Variants in PTPN13 observed in about 807,000 individuals in gnomAD.
PTPN13 encodes tyrosine-protein phosphatase non-receptor type 13.
In PTPN13, 191 loss-of-function variants were observed where a neutral mutation model predicts 284.0. The observed-to-expected ratio is 0.67, with a 90% CI of 0.60 to 0.76. The LOEUF is 0.76. Ranked by LOEUF, PTPN13 falls within the 30% of genes least tolerant of loss-of-function variation. The probability of loss-of-function intolerance (pLI) is 0.00; values close to 1 mark genes in which losing one functional copy is unlikely to be tolerated. For missense variants in PTPN13, 2,797 were observed against 2,939.9 expected, an observed-to-expected ratio of 0.95 and a Z score of 1.12; for synonymous variants, 986 against 1,022.3, an observed-to-expected ratio of 0.96 and a Z score of 0.68.
rs1329401564 is a variant in PTPN13 at position 86,732,488 on chromosome 4, C to A, written c.1683+14C>A. ...CGGTCTATTCTTGTAAGTAATAAAACCAATTTGTGTCACTCTTAGAAAATA... is the reference window on the plus strand; with the variant it reads ...CGGTCTATTCTTGTAAGTAATAAAAACAATTTGTGTCACTCTTAGAAAATA... On this transcript the variant is annotated intron_variant, in intron 11 of 47. Coordinates refer to ENST00000411767, the MANE Select transcript of PTPN13 (RefSeq NM_080683.3). 6.3e-7 allele frequency: 1 copy of A among 1,594,498 alleles called. No individual in the cohort carries two copies. The highest frequency in any genetic ancestry group is 8.6e-7 in the Non-Finnish European group (1 of 1,168,090).
chr4:86,602,262 TTTACAAGC>T (rs1764357444), intron 1 of PTPN13, among the ~76,000 whole-genome samples: 2 of 152,148 alleles, frequency 1.3e-5, no homozygotes, highest in South Asian at 4.1e-4. Context: ...GACTCTATGG[TTTACAAGC>T]TCTGTGACCT....
At chr4:86,738,473 A>G (rs751637267) in intron 15 of PTPN13, among the ~76,000 whole-genome samples, 1 of 152,196 alleles carries the variant, frequency 6.6e-6, no homozygotes, top group African/African-American at 2.4e-5. Flanking sequence ...TATGTTGACC[A>G]ATCTTTTCAT....
At chr4:86,663,017 A>C (rs986945958) in intron 2 of PTPN13, among the ~76,000 whole-genome samples, 6 of 152,210 alleles carry the variant, frequency 3.9e-5, no homozygotes, top group African/African-American at 4.8e-5. Flanking sequence ...CCCAACTCTT[A>C]AAAATAAATG....
intron 38 of PTPN13, among the ~76,000 whole-genome samples, 151 bp downstream of exon 38, chr4:86,784,709 T>C (rs10002511): frequency 0.099 from 15,119 of 152,140 alleles, 866 homozygotes; most frequent in Non-Finnish European, 0.11. Flanking sequence ...GAACAATATA[T>C]AAATGTCCCA....
chr4:86,597,300 C>T (rs1182450479), intron 1 of PTPN13, among the ~76,000 whole-genome samples: 1 of 151,954 alleles, frequency 6.6e-6, no homozygotes, highest in Non-Finnish European at 1.5e-5. Context: ...TGCAGTGGCT[C>T]GATCATGGCT....
intron 15 of PTPN13, among the ~76,000 whole-genome samples, chr4:86,738,084 T>C (rs1273754056): frequency 1.3e-5 from 2 of 149,638 alleles, no homozygotes; most frequent in Admixed American, 6.7e-5. Context: ...GTTTCTTTTC[T>C]TTTTTTTTTC....
intron 15 of PTPN13, among the ~76,000 whole-genome samples, chr4:86,740,899 G>T (rs1176350303): frequency 6.6e-6 from 1 of 151,086 alleles, no homozygotes; most frequent in Non-Finnish European, 1.5e-5. Flanking sequence ...GCAAAATGCT[G>T]CCAATCTCTT....
intron 40 of PTPN13, among the ~76,000 whole-genome samples, chr4:86,796,069 C>T (rs1265405227): frequency 6.6e-6 from 1 of 152,110 alleles, no homozygotes; most frequent in Non-Finnish European, 1.5e-5. Flanking sequence ...GCATTTCTTT[C>T]TAATTGTAGC....
chr4:86,796,426 G>T (rs1454819089), intron 40 of PTPN13, among the ~76,000 whole-genome samples: 1 of 152,024 alleles, frequency 6.6e-6, no homozygotes, highest in Admixed American at 6.6e-5. Flanking sequence ...CTCAAGGCTA[G>T]GAGTTTAAGA....
chr4:86,731,014 T>C (rs1366802056), intron 10 of PTPN13, among the ~76,000 whole-genome samples: 2 of 152,220 alleles, frequency 1.3e-5, no homozygotes, highest in Non-Finnish European at 2.9e-5. Flanking sequence ...ATAAACCCCT[T>C]ATGTTGAACT....
intron 1 of PTPN13, among the ~76,000 whole-genome samples, chr4:86,615,134 T>G (rs1393758121): frequency 6.6e-6 from 1 of 152,096 alleles, no homozygotes; most frequent in African/African-American, 2.4e-5. Context: ...GAACCAAGGA[T>G]TTATCGTGTT....
chr4:86,647,969 C>T (rs1376499835), intron 2 of PTPN13, among the ~76,000 whole-genome samples: 1 of 151,724 alleles, frequency 6.6e-6, no homozygotes, highest in African/African-American at 2.4e-5. Context: ...TATAGCAGCC[C>T]CCAAAAATGA....
At chr4:86,792,148 G>A (rs1742753175) in intron 40 of PTPN13, among the ~76,000 whole-genome samples, 1 of 152,138 alleles carries the variant, frequency 6.6e-6, no homozygotes, top group Non-Finnish European at 1.5e-5. Flanking sequence ...AATAAACAGT[G>A]TAGAGAAGAC....
At chr4:86,706,353 G>A (rs953302268) in intron 7 of PTPN13, among the ~76,000 whole-genome samples, 5 of 152,102 alleles carry the variant, frequency 3.3e-5, no homozygotes, top group Non-Finnish European at 7.4e-5. Context: ...TGGGACATTG[G>A]ACATTCAACT....
chr4:86,642,992 A>T (rs1465642451), intron 2 of PTPN13, among the ~76,000 whole-genome samples: 3 of 152,042 alleles, frequency 2.0e-5, no homozygotes, highest in Non-Finnish European at 4.4e-5. Context: ...TTTTTTTGTT[A>T]TGGAACTGTT....
rs1349748983 is a variant in PTPN13, at chr4:86,617,783, TC to T, written c.-5-17468del. Reference sequence around the variant, plus strand: ...ACCCACTTTTTGATGGGGTTTTTTTTCTTGTAAATTTGTTTGAATTCTTTGT... The same window carrying T: ...ACCCACTTTTTGATGGGGTTTTTTTTTTGTAAATTTGTTTGAATTCTTTGT... On this transcript the variant is annotated intron_variant, in intron 1 of 47. Coordinates refer to ENST00000411767, the MANE Select transcript of PTPN13 (RefSeq NM_080683.3). Among the ~76,000 whole-genome samples the T allele has an allele frequency of 2.6e-5, 4 of 152,338 alleles. No individual in the cohort carries two copies. In the East Asian group the frequency reaches 7.7e-4, roughly 29 times the overall value.
intron 1 of PTPN13, among the ~76,000 whole-genome samples, chr4:86,613,569 G>A (rs1415506853): frequency 1.3e-5 from 2 of 149,064 alleles, no homozygotes; most frequent in African/African-American, 2.5e-5. Flanking sequence ...GGGAGGCGGC[G>A]CTTGCAGTGA....
intron 1 of PTPN13, among the ~76,000 whole-genome samples, chr4:86,610,648 C>T (rs1361416099): frequency 1.3e-5 from 2 of 152,178 alleles, no homozygotes; most frequent in African/African-American, 4.8e-5. Context: ...TATGAAATCT[C>T]CCTAATTTGT....
intron 1 of PTPN13, among the ~76,000 whole-genome samples, chr4:86,606,056 G>C (rs1764711808): frequency 1.3e-5 from 2 of 151,878 alleles, no homozygotes; most frequent in Non-Finnish European, 3.0e-5. Context: ...AGGCTGGGAG[G>C]ATTGGGTGAA....
Sources: gnomAD v4.1 joint callset for allele counts (sites outside exome capture counted in the v4.1 genomes callset) on GRCh38, gnomAD v4.1.1 for gene constraint, MANE v1.5 for transcripts, NCBI Gene and HGNC (gene_info 2026-07-23, HGNC 2026-07-21) for gene names.